The following SLCO5A1 variants were observed in gnomAD, a reference collection of about 807,000 sequenced individuals.
The protein encoded by SLCO5A1 is organic anion transporter polypeptide-related protein 4.
Under a neutral mutation model 65.1 loss-of-function variants are expected in SLCO5A1, and 39 were observed. That is an observed-to-expected ratio of 0.60 (90% CI 0.46 to 0.78). The LOEUF is 0.78. SLCO5A1 is among the 30% of genes least tolerant of loss of function. The probability of loss-of-function intolerance (pLI) is 0.00; values close to 1 mark genes in which losing one functional copy is unlikely to be tolerated. For missense variants in SLCO5A1, 1,029 were observed against 1,069.4 expected (o/e 0.96, Z 0.53); for synonymous variants, 438 against 415.7 (o/e 1.05, Z -0.65).
intron 6 of SLCO5A1, among the ~76,000 whole-genome samples, chr8:69,704,347 T>C (rs574216141): frequency 5.9e-5 from 9 of 152,332 alleles, no homozygotes; most frequent in African/African-American, 2.2e-4. Flanking sequence ...GATTAACATA[T>C]GTAAAGCACT....
At chr8:69,692,850 TC>T (rs905340567) in intron 6 of SLCO5A1, among the ~76,000 whole-genome samples, 1 of 152,174 alleles carries the variant, frequency 6.6e-6, no homozygotes, top group African/African-American at 2.4e-5. Flanking sequence ...AGAGGCTGTT[TC>T]CCAGTTGACT....
intron 2 of SLCO5A1, among the ~76,000 whole-genome samples, chr8:69,776,813 G>A (rs1233870361): frequency 2.0e-5 from 3 of 152,082 alleles, no homozygotes; most frequent in Admixed American, 6.6e-5. Context: ...AAAGATATTC[G>A]GCATCATTAG....
At chr8:69,802,646 C>T (rs1468233963) in intron 2 of SLCO5A1, among the ~76,000 whole-genome samples, 1 of 152,122 alleles carries the variant, frequency 6.6e-6, no homozygotes, top group Non-Finnish European at 1.5e-5. Context: ...ACTCTCCCTC[C>T]CTCAACTCCC....
At position 69,678,638 on chromosome 8, in the gene SLCO5A1, T is replaced by C. The variant is rs1318256205; in HGVS notation, c.2024+740A>G. Among the ~76,000 whole-genome samples, 7 of 152,144 alleles carry C rather than the reference T, an allele frequency of 4.6e-5. No individual in the cohort carries two copies. In the East Asian group the frequency reaches 9.6e-4, roughly 21 times the overall value. On this transcript the variant is annotated intron_variant, in intron 8 of 9. Transcript: ENST00000260126. ...AAACCCTCTTCCTCCCCTGTTCATC[T>C]GTATCACGTTATTGCAGTGCAAAAA...
chr8:69,805,423 G>A (rs1325209638), intron 2 of SLCO5A1, among the ~76,000 whole-genome samples: 1 of 152,074 alleles, frequency 6.6e-6, no homozygotes, highest in Non-Finnish European at 1.5e-5. Flanking sequence ...ATGATCCCAA[G>A]ATAAGAGCTA....
chr8:69,679,933 T>C (rs890080815), intron 7 of SLCO5A1, among the ~76,000 whole-genome samples: 2 of 152,186 alleles, frequency 1.3e-5, no homozygotes, highest in African/African-American at 4.8e-5. Flanking sequence ...CTGTTAACTC[T>C]TGGGCTCTCC....
Position 69,669,648 on chromosome 8 carries a change from C to G in SLCO5A1, c.*3221G>C, listed in dbSNP as rs1010935967. The G allele has an allele frequency of 3.9e-5, 6 of 152,084 alleles. No individual in the cohort carries two copies. The highest frequency in any genetic ancestry group is 1.5e-4 in the African/African-American group (6 of 41,378). 9.4% of individuals were successfully genotyped at this position (152,084 alleles called of 1,614,324 possible). ...TGGCCAACATGGTGAAACCCTCTCT[C>G]TACTAAAAATAGAAAAAAAATAGCT... On this transcript the variant is annotated 3_prime_UTR_variant, in exon 10 of 10. Transcript: ENST00000260126.
intron 5 of SLCO5A1, among the ~76,000 whole-genome samples, chr8:69,726,285 T>G (rs1179000544): frequency 6.6e-6 from 1 of 152,190 alleles, no homozygotes; most frequent in Non-Finnish European, 1.5e-5. Flanking sequence ...AAGTAGCCAT[T>G]TATATTGGAA....
intron 2 of SLCO5A1, among the ~76,000 whole-genome samples, chr8:69,824,543 C>T (rs1023120484): frequency 2.4e-4 from 36 of 152,298 alleles, no homozygotes; most frequent in South Asian, 4.1e-4. Flanking sequence ...TGGATAAATT[C>T]CTGGACACAT....
intron 5 of SLCO5A1, among the ~76,000 whole-genome samples, chr8:69,707,552 T>C (rs1017260114): frequency 2.0e-5 from 3 of 152,066 alleles, no homozygotes; most frequent in African/African-American, 4.8e-5. Flanking sequence ...TGAAAGACCA[T>C]GAAAAGGAGC....
At chr8:69,756,650 T>A (rs1451251714) in intron 3 of SLCO5A1, among the ~76,000 whole-genome samples, 2 of 152,210 alleles carry the variant, frequency 1.3e-5, no homozygotes, top group Non-Finnish European at 2.9e-5. Context: ...GAAATTAATG[T>A]GTATCGGAAA....
chr8:69,699,241 C>T (rs1033790770), intron 6 of SLCO5A1, among the ~76,000 whole-genome samples: 1 of 152,144 alleles, frequency 6.6e-6, no homozygotes, highest in Non-Finnish European at 1.5e-5. Flanking sequence ...ATAAGAGCAC[C>T]ACACATAAAG....
At chr8:69,770,350 T>A (rs576303280) in intron 2 of SLCO5A1, among the ~76,000 whole-genome samples, 1 of 152,256 alleles carries the variant, frequency 6.6e-6, no homozygotes, top group South Asian at 2.1e-4. Context: ...ATCCCAATAC[T>A]TTGGGAAGCC....
chr8:69,724,709 A>C (rs1288738762), intron 5 of SLCO5A1, among the ~76,000 whole-genome samples: 1 of 152,312 alleles, frequency 6.6e-6, no homozygotes, highest in South Asian at 2.1e-4. Flanking sequence ...GCCTTGTGTT[A>C]ATAACTCTAT....
rs566000818 is a variant in SLCO5A1 at position 69,825,119 on chromosome 8, G to A, written c.907+6648C>T. The stretch of plus-strand genomic sequence containing the variant: ...CTCTCAAAAAATTAGGTATTGATGG[G>A]ATGTATCTCAAAATAATAAGAGCTA... On this transcript the variant is annotated intron_variant, in intron 2 of 9. Transcript: ENST00000260126. Among the ~76,000 whole-genome samples the A allele has an allele frequency of 1.5e-4, 23 of 152,248 alleles. 1 individual carries two copies. In the South Asian group the frequency reaches 4.4e-3, roughly 29 times the overall value.
rs1006221481 is a variant in SLCO5A1, at chr8:69,832,994, T to C, written c.-321A>G. The C allele has an allele frequency of 1.2e-5, 4 of 339,092 alleles. No individual in the cohort carries two copies. The highest frequency in any genetic ancestry group is 2.1e-5 in the Non-Finnish European group (4 of 192,988). The allele number at this position is 339,092 out of a possible 1,614,324, so 21.0% of individuals were successfully genotyped here. A position where few individuals can be genotyped will look rare whatever the true frequency, so the allele number is the denominator to read the frequency against. On this transcript the variant is annotated 5_prime_UTR_variant, in exon 2 of 10. Transcript: ENST00000260126. The surrounding 1 kb of genome is among the most constrained non-coding windows in gnomAD (Gnocchi z 4.5). ...CCTCGCGCGTCCCGGGCTCATCCCC[T>C]CCGCCGCCGCCGCCGCCGCCGCCGC... is the stretch of plus-strand genomic sequence containing the variant.
chr8:69,715,805 T>G (rs1815495736), intron 5 of SLCO5A1, among the ~76,000 whole-genome samples: 1 of 152,202 alleles, frequency 6.6e-6, no homozygotes, highest in African/African-American at 2.4e-5. Flanking sequence ...GTTTCTTTTT[T>G]TTAATTGACA....
intron 2 of SLCO5A1, among the ~76,000 whole-genome samples, chr8:69,797,151 C>T (rs997431565): frequency 1.3e-5 from 2 of 152,168 alleles, no homozygotes; most frequent in African/African-American, 4.8e-5. Context: ...GTTAGTTCCC[C>T]AAATTAATAC....
intron 6 of SLCO5A1, among the ~76,000 whole-genome samples, chr8:69,703,811 A>G (rs1196303547): frequency 2.6e-5 from 4 of 152,268 alleles, no homozygotes; most frequent in East Asian, 1.9e-4. Context: ...TAAACATACA[A>G]TTAAATGGTA....
Sources: allele counts gnomAD v4.1 joint callset (sites outside exome capture counted in the v4.1 genomes callset), GRCh38; gene constraint gnomAD v4.1.1; non-coding constraint Gnocchi (gnomAD v3.1); transcripts MANE v1.5; gene names NCBI Gene and HGNC (gene_info 2026-07-23, HGNC 2026-07-21).